TMEM237: variants seen among roughly 807,000 people sequenced by gnomAD.
The protein encoded by TMEM237 is amyotrophic lateral sclerosis 2 (juvenile) chromosome region, candidate 4.
In TMEM237, 51 loss-of-function variants were observed where a neutral mutation model predicts 59.1. That is an observed-to-expected ratio of 0.86 (90% CI 0.69 to 1.09). The LOEUF (loss-of-function observed/expected upper bound fraction) is 1.09. Among genes scored for constraint, TMEM237 ranks in the 50% least tolerant of loss-of-function variants. The probability of loss-of-function intolerance (pLI) is 0.00; values close to 1 mark genes in which losing one functional copy is unlikely to be tolerated. For missense variants in TMEM237, 475 were observed against 478.3 expected (o/e 0.99, Z 0.06); for synonymous variants, 140 against 166.1 (o/e 0.84, Z 1.21).
At position 201,632,212 on chromosome 2, in the gene TMEM237, T is replaced by A; in HGVS notation, c.396-4A>T. 1 of 1,613,672 alleles carries A rather than the reference T, an allele frequency of 6.2e-7. No individual in the cohort carries two copies. The highest frequency in any genetic ancestry group is 1.7e-5 in the Admixed American group (1 of 60,020). ...TAATTCTGCTGGCTGGGTTTTCCTG[T>A]AATAAGGACGTATGTATGAAAAATA... On this transcript the variant is annotated splice_region_variant and splice_polypyrimidine_tract_variant and intron_variant, in intron 6 of 12. Transcript: ENST00000409883.
chr2:201,641,397 G>A (rs994952759), intron 1 of TMEM237, among the ~76,000 whole-genome samples: 1 of 152,102 alleles, frequency 6.6e-6, no homozygotes, highest in Non-Finnish European at 1.5e-5. Context: ...AGTGAAACCT[G>A]GGAGGTACTG....
chr2:201,633,169 G>C, intron 6 of TMEM237, 142 bp downstream of exon 6: 1 of 759,312 alleles, frequency 1.3e-6, no homozygotes, highest in South Asian at 3.2e-5. Context: ...TGGTTTAACT[G>C]ATTTTTTGTA....
Position 201,643,327 on chromosome 2 carries a change from C to T in TMEM237, c.42+32G>A. On this transcript the variant is annotated intron_variant, in intron 1 of 12. Coordinates refer to ENST00000409883, the MANE Select transcript of TMEM237 (RefSeq NM_001044385.3). This position sits in a 1 kb window ranked among gnomAD's most constrained non-coding sequence, Gnocchi z 4.3. The stretch of plus-strand genomic sequence containing the variant: ...CCAAGTGTAGCTGTTTACCCGCCAC[C>T]TCTCGAGGCCGACGCGCCCCTCGCC... The T allele has an allele frequency of 6.5e-7, 1 of 1,546,108 alleles. No individual in the cohort carries two copies. The highest frequency in any genetic ancestry group is 8.7e-7 in the Non-Finnish European group (1 of 1,144,800).
intron 4 of TMEM237, 88 bp from the exon 5 acceptor site, chr2:201,636,973 G>A: frequency 7.6e-7 from 1 of 1,321,462 alleles, no homozygotes; most frequent in Non-Finnish European, 1.0e-6. Flanking sequence ...TAACTAGAAT[G>A]TTTCCTATAG....
intron 1 of TMEM237, chr2:201,642,499 CA>C: frequency 2.3e-6 from 3 of 1,296,356 alleles, no homozygotes; most frequent in Non-Finnish European, 3.2e-6. Context: ...AAAAGTCCCG[CA>C]AAAATGACGT....
At chr2:201,641,576 G>C (rs559612585) in intron 1 of TMEM237, among the ~76,000 whole-genome samples, 106 of 151,670 alleles carry the variant, frequency 7.0e-4, no homozygotes, top group African/African-American at 2.4e-3. Context: ...TTACATTCTA[G>C]TGGTTGAGTA....
At chr2:201,637,542 G>C (rs1050105242) in intron 4 of TMEM237, among the ~76,000 whole-genome samples, 9 of 152,038 alleles carry the variant, frequency 5.9e-5, no homozygotes, top group Non-Finnish European at 1.0e-4. Context: ...TCAAGAGTTC[G>C]AAACCAGCCT....
In TMEM237 at chr2:201,632,099, G is replaced by C; in HGVS notation, c.505C>G (p.Pro169Ala). Residue 169 changes from proline (P) to alanine (A), a missense_variant, in exon 7 of 13, where the codon CCC becomes GCC. By Grantham distance (27) the Pro-to-Ala change is conservative (BLOSUM62 -1). Coordinates refer to ENST00000409883, the MANE Select transcript of TMEM237 (RefSeq NM_001044385.3). The stretch of plus-strand genomic sequence containing the variant: ...CCTACAGGCTGGCTAATGCCAGTGG[G>C]TGCAGTGAATACAGACTGCTGTTCC... ...TVEQQSVFTA[P>A]TGISQPVGKV... is the part of the protein sequence containing the mutation. The C allele has an allele frequency of 6.2e-7, 1 of 1,613,922 alleles. No homozygotes were observed. The highest frequency in any genetic ancestry group is 8.5e-7 in the Non-Finnish European group (1 of 1,179,830).
chr2:201,626,217 T>C (rs764930527), intron 11 of TMEM237, 70 bp from the exon 12 acceptor site: 25 of 1,522,398 alleles, frequency 1.6e-5, no homozygotes, highest in Non-Finnish European at 2.2e-5. Flanking sequence ...ATCTATTTTA[T>C]GAACTTTAAG....
chr2:201,625,229 G>C (rs546111952), intron 12 of TMEM237, among the ~76,000 whole-genome samples: 9 of 152,092 alleles, frequency 5.9e-5, no homozygotes, highest in South Asian at 2.1e-4. Context: ...GGGCGTGGTG[G>C]CGGGCGCCTG....
Position 201,643,445 on chromosome 2 carries a change from C to A in TMEM237, c.-45G>T. On this transcript the variant is annotated 5_prime_UTR_variant, in exon 1 of 13. Transcript: ENST00000409883. This position sits in a 1 kb window ranked among gnomAD's most constrained non-coding sequence, Gnocchi z 4.3. ...TGCCCCGGCGCAACCGCCGGCGGCC[C>A]GAGCCCAGCTCCCCGCGACGCAGCG... The A allele has an allele frequency of 6.8e-7, 1 of 1,460,930 alleles. No individual in the cohort carries two copies. Among genetic ancestry groups the A allele is most frequent in the Non-Finnish European group, 9.1e-7 (1 of 1,103,586 alleles). 90.5% of individuals were successfully genotyped at this position (1,460,930 alleles called of 1,614,324 possible).
intron 5 of TMEM237, chr2:201,634,960 C>A: frequency 3.0e-6 from 1 of 337,496 alleles, no homozygotes; most frequent in Non-Finnish European, 6.3e-6. Flanking sequence ...AATAGGAGAG[C>A]ACTAATCTCC....
At chr2:201,640,215 C>CT in intron 3 of TMEM237, 46 bp downstream of exon 3, 1 of 1,503,222 alleles carries the variant, frequency 6.7e-7, no homozygotes, top group Non-Finnish European at 8.9e-7. Context: ...AGGAATCAAA[C>CT]TAATTTTTGA....
rs1687278237 is a variant in TMEM237, at chr2:201,635,363, A to G, written c.274+1385T>C. Among the ~76,000 whole-genome samples, 1 of 152,232 alleles carries G rather than the reference A, an allele frequency of 6.6e-6. No homozygotes were observed. Among genetic ancestry groups the G allele is most frequent in the African/African-American group, 2.4e-5 (1 of 41,464 alleles). On this transcript the variant is annotated intron_variant, in intron 5 of 12. Coordinates refer to ENST00000409883, the MANE Select transcript of TMEM237 (RefSeq NM_001044385.3). This position sits in a 1 kb window ranked among gnomAD's most constrained non-coding sequence, Gnocchi z 4.5. ...ACAACTGATATCCTTATAAGAGGGA[A>G]ATGTGGACACAGACACACAAGGAAA...
rs747771285 is a variant in TMEM237 at position 201,620,370 on chromosome 2, T to A, written c.*3885A>T. Reference sequence around the variant, plus strand: ...CTTTTAGTTAACTCTTATATCCCCATACACATATCCTAAAGGCAGAGTTAA... The same window carrying A: ...CTTTTAGTTAACTCTTATATCCCCAAACACATATCCTAAAGGCAGAGTTAA... On this transcript the variant is annotated 3_prime_UTR_variant, in exon 13 of 13. Transcript: ENST00000409883. The A allele has an allele frequency of 6.6e-6, 1 of 152,324 alleles. No homozygotes were observed. Among genetic ancestry groups the A allele is most frequent in the Non-Finnish European group, 1.5e-5 (1 of 68,034 alleles). The allele number at this position is 152,324 out of a possible 1,614,324, so 9.4% of individuals were successfully genotyped here.
At chr2:201,626,855 G>A (rs1211301828) in intron 11 of TMEM237, among the ~76,000 whole-genome samples, 1 of 152,210 alleles carries the variant, frequency 6.6e-6, no homozygotes, top group Non-Finnish European at 1.5e-5. Context: ...GCCAAGGCGG[G>A]TGGATCACCT....
At chr2:201,637,435 T>C (rs990871604) in intron 4 of TMEM237, among the ~76,000 whole-genome samples, 6 of 152,188 alleles carry the variant, frequency 3.9e-5, no homozygotes, top group Admixed American at 2.6e-4. Flanking sequence ...TCCTTGCTTG[T>C]CTTCTTCACA....
chr2:201,636,594 T>C (rs1687300337), intron 5 of TMEM237, 154 bp downstream of exon 5: 2 of 804,418 alleles, frequency 2.5e-6, no homozygotes, highest in Non-Finnish European at 1.9e-6. Flanking sequence ...GCTTAAGCCA[T>C]TGGAGTTATT....
intron 11 of TMEM237, 167 bp from the exon 12 acceptor site, chr2:201,626,314 T>A: frequency 2.9e-6 from 2 of 688,068 alleles, no homozygotes; most frequent in Non-Finnish European, 4.7e-6. Flanking sequence ...ACATATATAA[T>A]GAGAACAAGG....
Sources: gnomAD v4.1 joint callset for allele counts (sites outside exome capture counted in the v4.1 genomes callset) on GRCh38, gnomAD v4.1.1 for gene constraint, Gnocchi (gnomAD v3.1) non-coding constraint, MANE v1.5 for transcripts, NCBI Gene and HGNC (gene_info 2026-07-23, HGNC 2026-07-21) for gene names.